GFM2: variants seen among roughly 807,000 people sequenced by gnomAD.
GFM2 encodes GTP dependent ribosome recycling factor mitochondrial 2.
GFM2 carries 72 observed loss-of-function variants against 95.4 expected under a neutral mutation model. That is an observed-to-expected ratio of 0.76 (90% confidence interval 0.62 to 0.92). GFM2 has a LOEUF of 0.92. Ranked by LOEUF, GFM2 falls within the 40% of genes least tolerant of loss-of-function variation. The probability of loss-of-function intolerance (pLI) is 0.00; values close to 1 mark genes in which losing one functional copy is unlikely to be tolerated. For synonymous variants in GFM2, 276 were observed against 317.5 expected (o/e 0.87, Z 1.39); for missense variants, 825 against 924.1 (o/e 0.89, Z 1.39).
At chr5:74,726,948 C>G (rs1367480094) in intron 17 of GFM2, among the ~76,000 whole-genome samples, 1 of 152,128 alleles carries the variant, frequency 6.6e-6, no homozygotes, top group Non-Finnish European at 1.5e-5. Context: ...GGGAGGATTA[C>G]TTGAGGCCAG....
chr5:74,731,626 A>C (rs943787262), intron 16 of GFM2, among the ~76,000 whole-genome samples: 1 of 152,244 alleles, frequency 6.6e-6, no homozygotes. Flanking sequence ...AATTTAAAAA[A>C]AAATCACTTG....
chr5:74,734,387 C>T (rs1163837895), intron 15 of GFM2, among the ~76,000 whole-genome samples: 1 of 151,988 alleles, frequency 6.6e-6, no homozygotes, highest in Admixed American at 6.6e-5. Flanking sequence ...ATGTAGGTCA[C>T]ATTATATTTC....
At chr5:74,736,496 A>T in intron 15 of GFM2, 1 of 985,234 alleles carries the variant, frequency 1.0e-6, no homozygotes, top group Admixed American at 6.1e-5. Context: ...TTACTGTCTA[A>T]TCTAATATAC....
chr5:74,745,814 A>G lies in GFM2; in HGVS notation c.713T>C (p.Val238Ala). ...EAKTFKGVVD[V>A]VMKEKLLWNC... ...CCAAAGAAGTTTTTCTTTCATTACT[A>G]CATCCACCACTCCTTTGAAAGTTTT... Residue 238 changes from valine to alanine, a missense_variant, in exon 10 of 21, where the codon GTA becomes GCA. Val to Ala is a moderately conservative substitution (Grantham distance 64). Transcript: ENST00000296805. 6.2e-7 allele frequency: 1 copy of G among 1,612,792 alleles called. No homozygotes were observed. The highest frequency in any genetic ancestry group is 8.5e-7 in the Non-Finnish European group (1 of 1,179,780).
Position 74,746,500 on chromosome 5 carries a change from A to G in GFM2, c.609-335T>C, listed in dbSNP as rs145610838. ...ATAATAAAGTGCAGTTGGGATTCCA[A>G]TGCAAGATTTGTGATAAGCCAAGGA... On this transcript the variant is annotated intron_variant, in intron 8 of 20. Coordinates refer to ENST00000296805, the MANE Select transcript of GFM2 (RefSeq NM_032380.5). 1.3e-4 allele frequency among the ~76,000 whole-genome samples: 20 copies of G among 152,322 alleles called. No individual in the cohort carries two copies. The East Asian group carries it at 2.9e-3, about 22-fold the overall frequency.
At chr5:74,740,243 T>A (rs571672147) in intron 11 of GFM2, 106 bp from the exon 12 acceptor site, 1 of 746,168 alleles carries the variant, frequency 1.3e-6, no homozygotes, top group Non-Finnish European at 2.1e-6. Flanking sequence ...GCACTCCTCA[T>A]CACACCTTCA....
intron 15 of GFM2, among the ~76,000 whole-genome samples, chr5:74,735,609 T>C (rs138225058): frequency 1.3e-5 from 2 of 152,220 alleles, no homozygotes; most frequent in African/African-American, 4.8e-5. Context: ...AAAGAAAGGG[T>C]AAACCTTTTC....
Position 74,739,969 on chromosome 5 carries a change from A to G in GFM2, c.1079+20T>C, listed in dbSNP as rs1743031049. The G allele has an allele frequency of 6.9e-7, 1 of 1,449,102 alleles. No individual in the cohort carries two copies. Among genetic ancestry groups the G allele is most frequent in the Non-Finnish European group, 9.1e-7 (1 of 1,094,762 alleles). 89.8% of individuals were successfully genotyped at this position (1,449,102 alleles called of 1,614,324 possible). ...TTCTTCAAAGCTATAGAATTTTAATATATGTGATTGCATACTTACAGAAAT... is the reference window on the plus strand; with the variant it reads ...TTCTTCAAAGCTATAGAATTTTAATGTATGTGATTGCATACTTACAGAAAT... On this transcript the variant is annotated intron_variant, in intron 12 of 20. Transcript: ENST00000296805.
At chr5:74,739,928 G>T in intron 12 of GFM2, 61 bp downstream of exon 12, 1 of 1,197,356 alleles carries the variant, frequency 8.4e-7, no homozygotes, top group South Asian at 2.2e-5. Context: ...TTTCATAAAA[G>T]TATTTGCCTA....
chr5:74,760,828 T>C (rs1035264017), intron 3 of GFM2, 74 bp downstream of exon 3: 1 of 974,008 alleles, frequency 1.0e-6, no homozygotes, highest in Non-Finnish European at 1.6e-6. Flanking sequence ...ATAAGGGAGA[T>C]TCTTGCAAAC....
chr5:74,756,314 T>C (rs112531964), intron 5 of GFM2, among the ~76,000 whole-genome samples: 1 of 152,062 alleles, frequency 6.6e-6, no homozygotes, highest in Non-Finnish European at 1.5e-5. Flanking sequence ...TCTTTGAAAA[T>C]GCACATCAAA....
chr5:74,761,343 G>T (rs953323191), intron 2 of GFM2, among the ~76,000 whole-genome samples: 5 of 152,142 alleles, frequency 3.3e-5, no homozygotes, highest in Admixed American at 2.6e-4. Flanking sequence ...GTTTAAACTA[G>T]CTCTCCAGTT....
chr5:74,737,911 A>G (rs1054143010), intron 14 of GFM2, among the ~76,000 whole-genome samples: 12 of 152,178 alleles, frequency 7.9e-5, no homozygotes, highest in Admixed American at 5.9e-4. Flanking sequence ...CCTTGCTCTC[A>G]TGGAGGCTTT....
Position 74,747,753 on chromosome 5 carries a change from C to G in GFM2, c.547G>C (p.Ala183Pro), listed in dbSNP as rs201213722. ...EAQTLTVWRQ[A>P]DKHNIPRICF... Reference sequence around the variant, plus strand: ...ATTCGAGGTATATTGTGTTTATCAGCTTGCCTCCATACTGTGAGAGTCTGG... The same window carrying G: ...ATTCGAGGTATATTGTGTTTATCAGGTTGCCTCCATACTGTGAGAGTCTGG... The change falls in exon 8 of 21, where the codon GCT becomes CCT. Residue 183 changes from alanine to proline, a missense_variant. Ala to Pro is a conservative substitution (Grantham distance 27). Coordinates refer to ENST00000296805, the MANE Select transcript of GFM2 (RefSeq NM_032380.5). 1.2e-6 allele frequency: 2 copies of G among 1,611,558 alleles called. No homozygotes were observed. The highest frequency in any genetic ancestry group is 4.5e-5 in the East Asian group (2 of 44,826).
At chr5:74,757,471 A>G (rs951514700) in intron 5 of GFM2, among the ~76,000 whole-genome samples, 1 of 152,160 alleles carries the variant, frequency 6.6e-6, no homozygotes, top group African/African-American at 2.4e-5. Context: ...AAATAAATAA[A>G]AACACATGGA....
intron 17 of GFM2, among the ~76,000 whole-genome samples, chr5:74,726,733 A>C (rs1022080448): frequency 3.9e-5 from 6 of 152,222 alleles, no homozygotes; most frequent in African/African-American, 1.2e-4. Flanking sequence ...TACTAAAACA[A>C]AACTATGCCA....
intron 3 of GFM2, among the ~76,000 whole-genome samples, 175 bp downstream of exon 3, chr5:74,760,727 T>G (rs1167218109): frequency 5.3e-5 from 8 of 152,134 alleles, no homozygotes; most frequent in Non-Finnish European, 1.0e-4. Flanking sequence ...ACAACTCTAC[T>G]AGTATTTCCT....
At chr5:74,733,561 G>T (rs1205693706) in intron 15 of GFM2, among the ~76,000 whole-genome samples, 1 of 152,116 alleles carries the variant, frequency 6.6e-6, no homozygotes, top group Non-Finnish European at 1.5e-5. Context: ...GGGAAAAAGA[G>T]CAAGAAGACT....
rs142986380 is a variant in GFM2, at chr5:74,736,882, G to A, written c.1424C>T (p.Ala475Val). The A allele has an allele frequency of 2.0e-4, 321 of 1,613,918 alleles. 2 individuals carry two copies. In the African/African-American group the frequency reaches 3.6e-3, roughly 18 times the overall value. ...GEKKHRQNNE[A>V]ERLLLAGVEI... ...CACTCCAGCCAATAAAAGTCTCTCT[G>A]CTTCATTGTTTTGTCTGTGCTTCTT... is the stretch of plus-strand genomic sequence containing the variant. The change falls in exon 15 of 21, where the codon GCA becomes GTA. Residue 475 changes from alanine to valine, a missense_variant. Physicochemically the swap from Ala to Val is moderately conservative, Grantham distance 64 (BLOSUM62 0). Coordinates refer to ENST00000296805, the MANE Select transcript of GFM2 (RefSeq NM_032380.5).
Sources: allele counts gnomAD v4.1 joint callset (sites outside exome capture counted in the v4.1 genomes callset), GRCh38; gene constraint gnomAD v4.1.1; transcripts MANE v1.5; gene names NCBI Gene and HGNC (gene_info 2026-07-23, HGNC 2026-07-21).